ELF5: variants seen among roughly 807,000 people sequenced by gnomAD.
ELF5 encodes the protein E74 like ETS transcription factor 5.
A neutral mutation model predicts 38.2 loss-of-function variants in ELF5; 31 were observed. That is an observed-to-expected ratio of 0.81 (90% CI 0.61 to 1.10). The LOEUF (loss-of-function observed/expected upper bound fraction) is 1.10. Ranked by LOEUF, ELF5 falls within the 50% of genes least tolerant of loss-of-function variation. ELF5 has a pLI of 0.00. For missense variants in ELF5, 300 were observed against 306.6 expected, an observed-to-expected ratio of 0.98 and a Z score of 0.16; for synonymous variants, 121 against 112.5, an observed-to-expected ratio of 1.08 and a Z score of -0.48.
rs1403172108 is a variant in ELF5 at position 34,478,942 on chromosome 11, A to G, written c.*1276T>C. 1 of 152,672 alleles carries G rather than the reference A, an allele frequency of 6.5e-6. No individual in the cohort carries two copies. The highest frequency in any genetic ancestry group is 2.4e-5 in the African/African-American group (1 of 41,466). 9.5% of individuals were successfully genotyped at this position (152,672 alleles called of 1,614,324 possible). Reference sequence around the variant, plus strand: ...TCTAATAAGGAGGTCTTCAGCCTGTACAGCGATTCAGTGCCTCACCACTTG... The same window carrying G: ...TCTAATAAGGAGGTCTTCAGCCTGTGCAGCGATTCAGTGCCTCACCACTTG... On this transcript the variant is annotated 3_prime_UTR_variant, in exon 7 of 7. Transcript: ENST00000257832.
At chr11:34,513,253 C>A (rs1184700604) in intron 1 of ELF5, among the ~76,000 whole-genome samples, 3 of 150,956 alleles carry the variant, frequency 2.0e-5, no homozygotes, top group African/African-American at 7.3e-5. Context: ...GGGTGGGGGA[C>A]AGTGGGCAGG....
chr11:34,513,756 T>G lies in ELF5; in HGVS notation c.-84A>C, dbSNP rs1850824721. The stretch of plus-strand genomic sequence containing the variant: ...AGGCGCTCCCAGCACCAGCGTGCAG[T>G]GGAAATAAAGACACCTGTAGCCTTG... On this transcript the variant is annotated 5_prime_UTR_variant, in exon 1 of 7. Transcript: ENST00000257832. 6.6e-6 allele frequency: 1 copy of G among 152,284 alleles called. No individual in the cohort carries two copies. The highest frequency in any genetic ancestry group is 2.4e-5 in the African/African-American group (1 of 41,426). The allele number at this position is 152,284 out of a possible 1,614,324, so 9.4% of individuals were successfully genotyped here.
intron 2 of ELF5, among the ~76,000 whole-genome samples, chr11:34,497,761 G>T (rs1052202291): frequency 7.9e-5 from 12 of 152,178 alleles, no homozygotes; most frequent in African/African-American, 1.4e-4. Context: ...ATTTTCAAGT[G>T]TGGCAACTGG....
intron 1 of ELF5, among the ~76,000 whole-genome samples, chr11:34,506,022 G>T (rs1028744142): frequency 1.3e-5 from 2 of 152,196 alleles, no homozygotes; most frequent in African/African-American, 2.4e-5. Flanking sequence ...GCAAAGAGGG[G>T]ACTGGAGCAT....
intron 4 of ELF5, among the ~76,000 whole-genome samples, chr11:34,483,950 T>G (rs565673251): frequency 6.6e-6 from 1 of 151,908 alleles, no homozygotes; most frequent in African/African-American, 2.4e-5. Context: ...CTATATTGCA[T>G]TACACTGTAG....
At chr11:34,500,841 C>T (rs576539113) in intron 2 of ELF5, among the ~76,000 whole-genome samples, 1 of 151,776 alleles carries the variant, frequency 6.6e-6, no homozygotes, top group African/African-American at 2.4e-5. Context: ...ATGCAGATGC[C>T]TCTTTCTCTG....
intron 1 of ELF5, among the ~76,000 whole-genome samples, chr11:34,512,484 C>A (rs182751730): frequency 2.0e-4 from 30 of 152,184 alleles, no homozygotes; most frequent in African/African-American, 6.5e-4. Flanking sequence ...TTCTTACTAC[C>A]CAGACTGCTG....
intron 4 of ELF5, among the ~76,000 whole-genome samples, chr11:34,488,696 T>G (rs1438149376): frequency 6.6e-6 from 1 of 152,222 alleles, no homozygotes; most frequent in Non-Finnish European, 1.5e-5. Context: ...TAGCTTCCTT[T>G]TGTCGTGTGG....
At chr11:34,513,225 G>GGGAC (rs1205968511) in intron 1 of ELF5, among the ~76,000 whole-genome samples, 1 of 152,152 alleles carries the variant, frequency 6.6e-6, no homozygotes, top group African/African-American at 2.4e-5. Flanking sequence ...TATAATAAGG[G>GGGAC]AGTTCTCTGT....
chr11:34,484,258 A>C, intron 4 of ELF5, among the ~76,000 whole-genome samples: 1 of 79,556 alleles, frequency 1.3e-5, no homozygotes, highest in African/African-American at 2.9e-5. Context: ...GTAGCATACT[A>C]TACTAATCAT....
At chr11:34,502,457 G>T (rs554805641) in intron 2 of ELF5, among the ~76,000 whole-genome samples, 4 of 152,362 alleles carry the variant, frequency 2.6e-5, no homozygotes, top group African/African-American at 9.6e-5. Flanking sequence ...AACTCCAAAT[G>T]GCTGCACCTC....
At chr11:34,497,186 G>A (rs909427273) in intron 2 of ELF5, among the ~76,000 whole-genome samples, 1 of 152,128 alleles carries the variant, frequency 6.6e-6, no homozygotes. Flanking sequence ...TTATATACCC[G>A]CAGAATATAT....
At chr11:34,505,859 C>A in intron 1 of ELF5, 106 bp from the exon 2 acceptor site, 1 of 1,364,540 alleles carries the variant, frequency 7.3e-7, no homozygotes, top group Admixed American at 3.0e-5. Flanking sequence ...AAAATGATAA[C>A]AAATATGTCA....
intron 2 of ELF5, among the ~76,000 whole-genome samples, chr11:34,496,844 C>T (rs1237085443): frequency 2.0e-5 from 3 of 152,098 alleles, no homozygotes; most frequent in African/African-American, 7.2e-5. Flanking sequence ...TAAGGTCACG[C>T]GGCCTGTCAG....
chr11:34,507,696 T>C (rs1435778096), intron 1 of ELF5, among the ~76,000 whole-genome samples: 1 of 152,250 alleles, frequency 6.6e-6, no homozygotes, highest in Admixed American at 6.5e-5. Context: ...ATAATCTGTG[T>C]TTGGTGGATT....
At chr11:34,485,445 G>T (rs769886866) in intron 4 of ELF5, among the ~76,000 whole-genome samples, 3 of 152,226 alleles carry the variant, frequency 2.0e-5, no homozygotes, top group Non-Finnish European at 4.4e-5. Flanking sequence ...GAAAACAAAT[G>T]GAGTCATAAA....
intron 1 of ELF5, among the ~76,000 whole-genome samples, chr11:34,510,818 G>C (rs1346358096): frequency 6.6e-6 from 1 of 152,136 alleles, no homozygotes; most frequent in African/African-American, 2.4e-5. Context: ...GTGTCCTTAG[G>C]AGAAGTGATA....
At chr11:34,487,523 T>C (rs1850032047) in intron 4 of ELF5, among the ~76,000 whole-genome samples, 1 of 152,130 alleles carries the variant, frequency 6.6e-6, no homozygotes, top group South Asian at 2.1e-4. Context: ...GCCCAAGAGA[T>C]GTTAAAATGT....
At chr11:34,509,353 A>T (rs1242120387) in intron 1 of ELF5, among the ~76,000 whole-genome samples, 4 of 152,002 alleles carry the variant, frequency 2.6e-5, no homozygotes, top group Non-Finnish European at 5.9e-5. Flanking sequence ...AACAACAAAA[A>T]CGTGCATGAG....
Sources: allele counts gnomAD v4.1 joint callset (sites outside exome capture counted in the v4.1 genomes callset), GRCh38; gene constraint gnomAD v4.1.1; transcripts MANE v1.5; gene names NCBI Gene and HGNC (gene_info 2026-07-23, HGNC 2026-07-21).